Variants in ZNF385D observed in about 807,000 individuals in gnomAD.
ZNF385D encodes zinc finger protein 659.
ZNF385D carries 15 observed loss-of-function variants against 35.8 expected under a neutral mutation model. That is an observed-to-expected ratio of 0.42 (90% CI 0.28 to 0.64). The LOEUF (loss-of-function observed/expected upper bound fraction) is 0.64. ZNF385D is among the 30% of genes least tolerant of loss of function. The pLI, the probability that ZNF385D is intolerant of heterozygous loss-of-function variation, is 0.23. For synonymous variants in ZNF385D, 212 were observed against 186.8 expected, an observed-to-expected ratio of 1.13 and a Z score of -1.10; for missense variants, 474 against 494.6, an observed-to-expected ratio of 0.96 and a Z score of 0.39.
chr3:21,913,938 A>G (rs752876402), intron 3 of ZNF385D, among the ~76,000 whole-genome samples: 4 of 152,106 alleles, frequency 2.6e-5, no homozygotes, highest in Non-Finnish European at 4.4e-5. Context: ...CAAGCCCTGA[A>G]GTAATCAGTT....
chr3:22,341,468 C>T (rs1490389961), intron 2 of ZNF385D, among the ~76,000 whole-genome samples: 1 of 152,146 alleles, frequency 6.6e-6, no homozygotes, highest in East Asian at 1.9e-4. Context: ...TGTCCAACAA[C>T]CTACAAACCT....
chr3:22,176,420 A>T (rs1271701803), intron 2 of ZNF385D, among the ~76,000 whole-genome samples: 4 of 152,360 alleles, frequency 2.6e-5, no homozygotes, highest in African/African-American at 7.2e-5. Flanking sequence ...TTTAATTAGG[A>T]ACATCTTACT....
In ZNF385D at chr3:22,188,274, G is replaced by C. The variant is rs114967573; in HGVS notation, c.107-19239C>G. ...GATACTGCTGGCAACACTATGGAGA[G>C]AGACTCGGAGTGGAGAGATGAAAGA... On this transcript the variant is annotated intron_variant, in intron 2 of 5. Transcript: ENST00000494108. 1.2e-3 allele frequency among the ~76,000 whole-genome samples: 186 copies of C among 152,248 alleles called. 1 individual carries two copies. The highest frequency in any genetic ancestry group is 4.2e-3 in the African/African-American group (176 of 41,548).
chr3:22,195,952 TA>T (rs1696384887), intron 2 of ZNF385D, among the ~76,000 whole-genome samples: 2 of 152,042 alleles, frequency 1.3e-5, no homozygotes. Flanking sequence ...TGTTCTCATT[TA>T]TAAGTGTGAC....
chr3:22,243,745 GA>G (rs1314825215), intron 2 of ZNF385D, among the ~76,000 whole-genome samples: 1 of 150,802 alleles, frequency 6.6e-6, no homozygotes, highest in Non-Finnish European at 1.5e-5. Flanking sequence ...ATTGAGCCTG[GA>G]AAAATGGTAC....
chr3:22,205,890 G>A (rs1245221252), intron 2 of ZNF385D, among the ~76,000 whole-genome samples: 2 of 152,124 alleles, frequency 1.3e-5, no homozygotes, highest in Non-Finnish European at 2.9e-5. Context: ...CAAATGGCGG[G>A]AGCAAGTTCT....
At chr3:21,551,064 C>T (rs1445068250) in intron 3 of ZNF385D, among the ~76,000 whole-genome samples, 2 of 152,116 alleles carry the variant, frequency 1.3e-5, no homozygotes, top group Non-Finnish European at 2.9e-5. Context: ...ATGAATAATA[C>T]CATGTAAGAG....
At chr3:21,517,400 A>G (rs1707640845) in intron 3 of ZNF385D, among the ~76,000 whole-genome samples, 1 of 152,136 alleles carries the variant, frequency 6.6e-6, no homozygotes. Context: ...GAGAATGCTG[A>G]GGCCTCCTTA....
chr3:22,083,231 C>T (rs971647579), intron 3 of ZNF385D, among the ~76,000 whole-genome samples: 22 of 152,182 alleles, frequency 1.4e-4, no homozygotes, highest in African/African-American at 5.1e-4. Context: ...CGGAGAATGA[C>T]TTTGATGAGT....
chr3:21,780,502 A>G (rs969913430), intron 3 of ZNF385D, among the ~76,000 whole-genome samples: 1 of 151,996 alleles, frequency 6.6e-6, no homozygotes, highest in Non-Finnish European at 1.5e-5. Flanking sequence ...TGGTTTTACT[A>G]ATTTACTGAA....
chr3:22,032,153 T>A (rs1386212667), intron 3 of ZNF385D, among the ~76,000 whole-genome samples: 1 of 152,200 alleles, frequency 6.6e-6, no homozygotes, highest in Non-Finnish European at 1.5e-5. Flanking sequence ...ATTCAACAAG[T>A]CTCTAGGAAC....
intron 3 of ZNF385D, among the ~76,000 whole-genome samples, chr3:21,777,315 T>C (rs550393643): frequency 7.2e-5 from 11 of 152,092 alleles, no homozygotes; most frequent in African/African-American, 2.6e-4. Flanking sequence ...TAAATATTTA[T>C]AAAATTCTGC....
At chr3:21,999,292 C>G (rs1695686012) in intron 3 of ZNF385D, among the ~76,000 whole-genome samples, 1 of 152,080 alleles carries the variant, frequency 6.6e-6, no homozygotes, top group Non-Finnish European at 1.5e-5. Context: ...TTAACTGTTG[C>G]ACCTATCTGA....
At chr3:21,598,489 C>T (rs2064187215) in intron 2 of ZNF385D, among the ~76,000 whole-genome samples, 5 of 152,136 alleles carry the variant, frequency 3.3e-5, no homozygotes, top group Admixed American at 3.3e-4. Context: ...TGTGAGTAAA[C>T]CATATTATTG....
intron 3 of ZNF385D, among the ~76,000 whole-genome samples, chr3:21,908,221 G>C (rs930300000): frequency 6.6e-6 from 1 of 151,564 alleles, no homozygotes; most frequent in Non-Finnish European, 1.5e-5. Context: ...ATGAGACCAA[G>C]ATCCAAGGAA....
intron 6 of ZNF385D, among the ~76,000 whole-genome samples, 198 bp from the exon 7 acceptor site, chr3:21,424,262 C>CAT (rs1225906289): frequency 2.6e-5 from 2 of 76,358 alleles, no homozygotes; most frequent in East Asian, 8.4e-4. Flanking sequence ...TATATATATT[C>CAT]ATATATATAC....
At chr3:22,008,645 C>G (rs987029527) in intron 3 of ZNF385D, among the ~76,000 whole-genome samples, 3 of 152,104 alleles carry the variant, frequency 2.0e-5, no homozygotes, top group African/African-American at 4.8e-5. Flanking sequence ...CGTGAGCCAC[C>G]GCGCCCAGCC....
chr3:22,037,040 G>A (rs1348933938), intron 3 of ZNF385D, among the ~76,000 whole-genome samples: 4 of 151,912 alleles, frequency 2.6e-5, no homozygotes, highest in South Asian at 2.1e-4. Context: ...AGAACATGAA[G>A]TCATCATTTT....
chr3:21,470,231 A>G (rs556168501), intron 4 of ZNF385D, among the ~76,000 whole-genome samples: 2 of 152,274 alleles, frequency 1.3e-5, no homozygotes, highest in African/African-American at 4.8e-5. Context: ...AGAGTTAAAG[A>G]ATTGAGAGCA....
Sources: allele counts gnomAD v4.1 joint callset (sites outside exome capture counted in the v4.1 genomes callset), GRCh38; gene constraint gnomAD v4.1.1; transcripts MANE v1.5; gene names NCBI Gene and HGNC (gene_info 2026-07-23, HGNC 2026-07-21).